TMEM132C: variants seen among roughly 807,000 people sequenced by gnomAD.
The protein encoded by TMEM132C is protein phosphatase 1, regulatory subunit 152.
TMEM132C carries 29 observed loss-of-function variants against 61.4 expected under a neutral mutation model. The ratio of observed to expected loss-of-function variants is 0.47; its 90% CI spans 0.35 to 0.64. TMEM132C has a LOEUF of 0.64. TMEM132C is among the 30% of genes least tolerant of loss of function. The probability of loss-of-function intolerance (pLI) is 0.00; values close to 1 mark genes in which losing one functional copy is unlikely to be tolerated. For synonymous variants in TMEM132C, 656 were observed against 633.1 expected, an observed-to-expected ratio of 1.04 and a Z score of -0.54; for missense variants, 1,408 against 1,476.9, an observed-to-expected ratio of 0.95 and a Z score of 0.76.
At chr12:128,327,492 C>T (rs1872558823) in intron 1 of TMEM132C, among the ~76,000 whole-genome samples, 1 of 140,796 alleles carries the variant, frequency 7.1e-6, no homozygotes, top group Non-Finnish European at 1.5e-5. Flanking sequence ...TCACCATTCT[C>T]CTGCCTCAAC....
chr12:128,309,044 C>T (rs965687965), intron 1 of TMEM132C, among the ~76,000 whole-genome samples: 1 of 149,526 alleles, frequency 6.7e-6, no homozygotes, highest in Admixed American at 6.7e-5. Flanking sequence ...GTAGAGGAGA[C>T]AATTTGGGGG....
chr12:128,308,757 A>C (rs1871870761), intron 1 of TMEM132C, among the ~76,000 whole-genome samples: 1 of 152,154 alleles, frequency 6.6e-6, no homozygotes, highest in East Asian at 1.9e-4. Context: ...AGCACCGTGC[A>C]CAAGGCCGGG....
intron 1 of TMEM132C, among the ~76,000 whole-genome samples, chr12:128,311,991 CAGCTGTGCTGAAAGGGACCCCGG>C (rs1871984047): frequency 6.6e-6 from 1 of 152,204 alleles, no homozygotes; most frequent in Non-Finnish European, 1.5e-5. Flanking sequence ...ACCCAACTTC[CAGCTGTGCTGAAAGGGACCCCGG>C]AGCGGGGCTG....
intron 2 of TMEM132C, 88 bp from the exon 3 acceptor site, chr12:128,543,869 T>G (rs1332757808): frequency 6.8e-7 from 1 of 1,469,866 alleles, no homozygotes; most frequent in African/African-American, 1.5e-5. Context: ...AAACAGAAAC[T>G]AAAGGTGACA....
chr12:128,327,013 C>T (rs2135941078), intron 1 of TMEM132C, among the ~76,000 whole-genome samples: 1 of 149,838 alleles, frequency 6.7e-6, no homozygotes, highest in East Asian at 1.9e-4. Flanking sequence ...TTTCTTTTAT[C>T]CCCAACCTTT....
chr12:128,467,104 A>C (rs1870760456), intron 2 of TMEM132C, among the ~76,000 whole-genome samples: 1 of 152,172 alleles, frequency 6.6e-6, no homozygotes. Flanking sequence ...CTCCCATGGA[A>C]TTGGGAACTC....
chr12:128,697,473 C>T lies in TMEM132C; in HGVS notation c.2121+58C>T, dbSNP rs1404497215. ...GCAGGGTCAGCCACTGTGCCTGCTTCAGCAAAGGGGCAGGGTGGAGTGAGA... is the reference window on the plus strand; with the variant it reads ...GCAGGGTCAGCCACTGTGCCTGCTTTAGCAAAGGGGCAGGGTGGAGTGAGA... On this transcript the variant is annotated intron_variant, in intron 8 of 8. Coordinates refer to ENST00000435159, the MANE Select transcript of TMEM132C (RefSeq NM_001136103.3). 8 of 1,457,872 alleles carry T rather than the reference C, an allele frequency of 5.5e-6. No individual in the cohort carries two copies. In the East Asian group the frequency reaches 2.0e-4, roughly 37 times the overall value. The allele number at this position is 1,457,872 out of a possible 1,614,324, so 90.3% of individuals were successfully genotyped here.
At chr12:128,306,301 C>T (rs1290569452) in intron 1 of TMEM132C, among the ~76,000 whole-genome samples, 1 of 149,888 alleles carries the variant, frequency 6.7e-6, no homozygotes, top group Non-Finnish European at 1.5e-5. Flanking sequence ...CCCCCGGGTT[C>T]TGCCATACTC....
At chr12:128,616,076 TCTGCGTA>T in intron 3 of TMEM132C, 69 bp from the exon 4 acceptor site, 1 of 1,466,778 alleles carries the variant, frequency 6.8e-7, no homozygotes. Flanking sequence ...GTCTTTATCT[TCTGCGTA>T]CTATTATGAG....
chr12:128,662,503 T>C (rs999929294), intron 4 of TMEM132C, among the ~76,000 whole-genome samples: 1 of 152,194 alleles, frequency 6.6e-6, no homozygotes, highest in Non-Finnish European at 1.5e-5. Context: ...AGGTCCTTGC[T>C]CTTGACCTGC....
intron 1 of TMEM132C, among the ~76,000 whole-genome samples, chr12:128,344,696 G>A (rs888059884): frequency 6.6e-6 from 1 of 152,032 alleles, no homozygotes; most frequent in Non-Finnish European, 1.5e-5. Flanking sequence ...TTGTAATTTC[G>A]ATTTGCATTT....
chr12:128,280,512 A>G (rs896393829), intron 1 of TMEM132C, among the ~76,000 whole-genome samples: 2 of 152,222 alleles, frequency 1.3e-5, no homozygotes, highest in Non-Finnish European at 2.9e-5. Context: ...TATAAGGAAA[A>G]CATGCTTAAA....
At chr12:128,659,219 G>T (rs901768487) in intron 4 of TMEM132C, among the ~76,000 whole-genome samples, 1 of 151,878 alleles carries the variant, frequency 6.6e-6, no homozygotes, top group Non-Finnish European at 1.5e-5. Flanking sequence ...ATCATTCTTG[G>T]CTAACAAATT....
rs1953951802 is a variant in TMEM132C at position 128,620,302 on chromosome 12, AG to A, written c.1305+3969del. 4.0e-5 allele frequency among the ~76,000 whole-genome samples: 6 copies of A among 151,768 alleles called. No individual in the cohort carries two copies. The South Asian group carries it at 1.3e-3, about 32-fold the overall frequency. ...CATTCAACCTCACACTAAGCTCTGC[AG>A]GTATTCATTGCTGCATATCCTCAGA... On this transcript the variant is annotated intron_variant, in intron 4 of 8. Transcript: ENST00000435159.
intron 1 of TMEM132C, among the ~76,000 whole-genome samples, chr12:128,337,283 G>A (rs1282438720): frequency 6.6e-6 from 1 of 152,118 alleles, no homozygotes; most frequent in African/African-American, 2.4e-5. Flanking sequence ...GACTCGATAA[G>A]AATAATTATC....
chr12:128,340,884 CT>C (rs1173287453), intron 1 of TMEM132C, among the ~76,000 whole-genome samples: 4 of 122,510 alleles, frequency 3.3e-5, no homozygotes, highest in Admixed American at 8.6e-5. Context: ...TTTCTTTTTT[CT>C]TTTTCTTTCT....
At position 128,491,428 on chromosome 12, in the gene TMEM132C, T is replaced by C. The variant is rs144150425; in HGVS notation, c.975-52529T>C. 7.4e-3 allele frequency among the ~76,000 whole-genome samples: 1,123 copies of C among 152,302 alleles called. 14 individuals carry two copies. The highest frequency in any genetic ancestry group is 0.026 in the African/African-American group (1,076 of 41,574). On this transcript the variant is annotated intron_variant, in intron 2 of 8. Transcript: ENST00000435159. ...AGCACATACATCTCAGCAATGTCAG[T>C]GGGCTGCTTGTGCCCAATGGAGCGA...
intron 1 of TMEM132C, among the ~76,000 whole-genome samples, chr12:128,306,588 A>G (rs1431905873): frequency 6.6e-6 from 1 of 152,150 alleles, no homozygotes. Context: ...AGGCTAATGA[A>G]TGATTGAGGT....
chr12:128,370,291 A>G (rs539233570), intron 1 of TMEM132C, among the ~76,000 whole-genome samples: 1 of 152,286 alleles, frequency 6.6e-6, no homozygotes, highest in South Asian at 2.1e-4. Flanking sequence ...GGTGTGTTAG[A>G]CTATTGCAGG....
Sources: allele counts gnomAD v4.1 joint callset (sites outside exome capture counted in the v4.1 genomes callset), GRCh38; gene constraint gnomAD v4.1.1; transcripts MANE v1.5; gene names NCBI Gene and HGNC (gene_info 2026-07-23, HGNC 2026-07-21).